Variants in PABPC4L observed in about 807,000 individuals in gnomAD.
PABPC4L encodes poly(A) binding protein cytoplasmic 4 like, also known as polyadenylate-binding protein 4-like.
For synonymous variants in PABPC4L, 169 were observed against 164.1 expected (o/e 1.03, Z -0.23); for missense variants, 452 against 451.4 (o/e 1.00, Z -0.01).
chr4:134,097,232 T>C, the PABPC4L span, among the ~76,000 whole-genome samples: 1 of 151,904 alleles, frequency 6.6e-6, no homozygotes, highest in Non-Finnish European at 1.5e-5. Flanking sequence ...AATTAGAATC[T>C]TAGAGACTCT....
the PABPC4L span, among the ~76,000 whole-genome samples, chr4:134,096,370 A>G: frequency 6.6e-6 from 1 of 151,962 alleles, no homozygotes; most frequent in East Asian, 1.9e-4. Context: ...TTGATAAATT[A>G]CTAGTTGTGC....
the PABPC4L span, among the ~76,000 whole-genome samples, chr4:133,963,898 AG>A: frequency 6.6e-6 from 1 of 152,158 alleles, no homozygotes; most frequent in South Asian, 2.1e-4. Flanking sequence ...TGACATTCTA[AG>A]GTCACACCTC....
chr4:134,004,508 A>G, the PABPC4L span, among the ~76,000 whole-genome samples: 12 of 151,846 alleles, frequency 7.9e-5, no homozygotes, highest in Non-Finnish European at 1.3e-4. Context: ...GAGAGATCCT[A>G]TGTACACTGT....
At chr4:134,193,041 A>G (rs1729556067), downstream of PABPC4L, among the ~76,000 whole-genome samples, 1 of 152,044 alleles carries the variant, frequency 6.6e-6, no homozygotes, top group African/African-American at 2.4e-5. Flanking sequence ...AATAATAAAA[A>G]ATTACCTAAA....
At chr4:133,949,787 C>G in the PABPC4L span, among the ~76,000 whole-genome samples, 8 of 152,058 alleles carry the variant, frequency 5.3e-5, no homozygotes, top group African/African-American at 1.2e-4. Context: ...GAGTTTGAGT[C>G]AGAAGTCCTT....
chr4:134,016,107 G>A, the PABPC4L span, among the ~76,000 whole-genome samples: 3 of 151,944 alleles, frequency 2.0e-5, no homozygotes, highest in Non-Finnish European at 4.4e-5. Context: ...TTGGTTTATT[G>A]ATGGCAGTTC....
chr4:134,122,011 T>C, the PABPC4L span, among the ~76,000 whole-genome samples: 1 of 151,886 alleles, frequency 6.6e-6, no homozygotes, highest in Non-Finnish European at 1.5e-5. Context: ...TTCAAACTTA[T>C]AATTTTTATT....
chr4:134,044,277 A>T, the PABPC4L span, among the ~76,000 whole-genome samples: 3 of 151,380 alleles, frequency 2.0e-5, no homozygotes, highest in African/African-American at 7.3e-5. Flanking sequence ...TATTATTATT[A>T]TTTTTTGAGA....
chr4:134,091,745 G>C, the PABPC4L span, among the ~76,000 whole-genome samples: 4 of 151,424 alleles, frequency 2.6e-5, no homozygotes, highest in South Asian at 8.3e-4. Context: ...TTTGCTGAAG[G>C]CTTTTCCATC....
At chr4:134,033,890 G>A in the PABPC4L span, among the ~76,000 whole-genome samples, 612 of 152,048 alleles carry the variant, frequency 4.0e-3, 7 homozygotes, top group Non-Finnish European at 6.5e-3. Context: ...GCTGCAGCAA[G>A]TTATCCAGAA....
chr4:134,157,860 T>G, the PABPC4L span, among the ~76,000 whole-genome samples: 1 of 151,876 alleles, frequency 6.6e-6, no homozygotes, highest in Non-Finnish European at 1.5e-5. Context: ...TTAAGTTCAT[T>G]TCATTACACT....
the PABPC4L span, among the ~76,000 whole-genome samples, chr4:134,139,580 C>T: frequency 2.0e-5 from 3 of 151,836 alleles, no homozygotes; most frequent in Non-Finnish European, 4.4e-5. Flanking sequence ...TTTTAGTTTT[C>T]AAGTGTCATC....
At chr4:134,171,257 A>T in the PABPC4L span, among the ~76,000 whole-genome samples, 3 of 152,118 alleles carry the variant, frequency 2.0e-5, no homozygotes. Flanking sequence ...CTGAGATTAC[A>T]GGTGCATGCC....
chr4:134,119,192 C>T, the PABPC4L span, among the ~76,000 whole-genome samples: 1 of 151,198 alleles, frequency 6.6e-6, no homozygotes, highest in Admixed American at 6.6e-5. Context: ...AGAGGAGAAC[C>T]ATGAAATTTT....
At chr4:134,005,976 G>A in the PABPC4L span, among the ~76,000 whole-genome samples, 1 of 151,856 alleles carries the variant, frequency 6.6e-6, no homozygotes, top group African/African-American at 2.4e-5. Context: ...TGTCAGGTTA[G>A]GAAGCATAAA....
Position 134,199,651 on chromosome 4 carries a change from C to T in PABPC4L, c.*256G>A, listed in dbSNP as rs899000650. The T allele has an allele frequency of 4.5e-6, 2 of 442,968 alleles. No individual in the cohort carries two copies. Among genetic ancestry groups the T allele is most frequent in the Non-Finnish European group, 8.0e-6 (2 of 250,318 alleles). 27.4% of individuals were successfully genotyped at this position (442,968 alleles called of 1,614,324 possible). A position where few individuals can be genotyped will look rare whatever the true frequency, so the allele number is the denominator to read the frequency against. On this transcript the variant is annotated 3_prime_UTR_variant, in exon 2 of 2. Transcript: ENST00000421491. ...AAAATATATCTATTTATACTTATTG[C>T]TATGAACATATCAAAATAAGAAAAA...
the PABPC4L span, among the ~76,000 whole-genome samples, chr4:134,083,668 C>T: frequency 6.6e-6 from 1 of 152,128 alleles, no homozygotes; most frequent in African/African-American, 2.4e-5. Context: ...AGTATTAATT[C>T]ATTCAGAACA....
chr4:133,993,060 A>T, the PABPC4L span, among the ~76,000 whole-genome samples: 7 of 152,122 alleles, frequency 4.6e-5, no homozygotes, highest in African/African-American at 1.7e-4. Context: ...AATCATTTGG[A>T]CAATGCCATA....
the PABPC4L span, among the ~76,000 whole-genome samples, chr4:133,973,296 A>G: frequency 1.3e-5 from 2 of 152,112 alleles, no homozygotes; most frequent in Non-Finnish European, 2.9e-5. Flanking sequence ...TATATATCAT[A>G]ATGGGAACAC....
Sources: allele counts gnomAD v4.1 joint callset (sites outside exome capture counted in the v4.1 genomes callset), GRCh38; gene constraint gnomAD v4.1.1; transcripts MANE v1.5; gene names NCBI Gene and HGNC (gene_info 2026-07-23, HGNC 2026-07-21).